DHRSX: variants seen among roughly 807,000 people sequenced by gnomAD.
DHRSX encodes polyprenol dehydrogenase.
Under a neutral mutation model 34.0 loss-of-function variants are expected in DHRSX, and 31 were observed. The observed-to-expected ratio is 0.91, with a 90% confidence interval of 0.69 to 1.23. DHRSX has a LOEUF of 1.23. Among genes scored for constraint, DHRSX ranks in the 50% most tolerant of loss-of-function variants. The pLI is 0.00. For missense variants in DHRSX, 414 were observed against 428.1 expected (o/e 0.97, Z 0.29); for synonymous variants, 201 against 183.8 (o/e 1.09, Z -0.76).
chrX:2,337,207 G>T (rs2042580067), intron 3 of DHRSX, among the ~76,000 whole-genome samples: 2 of 152,102 alleles, frequency 1.3e-5, no homozygotes, highest in South Asian at 4.1e-4. Context: ...GAACTGATTT[G>T]CGAATAGGGT....
intron 3 of DHRSX, among the ~76,000 whole-genome samples, chrX:2,306,464 T>TA (rs1311967789): frequency 1.7e-5 from 1 of 57,678 alleles, no homozygotes; most frequent in Non-Finnish European, 5.6e-5. Context: ...ATCAATTATC[T>TA]TTTTTTTTTT....
intron 3 of DHRSX, chrX:2,336,342 C>G (rs1307663415): frequency 6.6e-6 from 1 of 152,094 alleles, no homozygotes; most frequent in African/African-American, 2.4e-5. Flanking sequence ...CTGTGAAGTT[C>G]CCTGCAGTTT....
intron 3 of DHRSX, among the ~76,000 whole-genome samples, chrX:2,400,777 A>G (rs1396213381): frequency 6.6e-6 from 1 of 152,136 alleles, no homozygotes; most frequent in Non-Finnish European, 1.5e-5. Flanking sequence ...TTGTATTTTC[A>G]ATCTACTCAA....
At chrX:2,361,197 A>C (rs2124587738) in intron 3 of DHRSX, among the ~76,000 whole-genome samples, 1 of 151,682 alleles carries the variant, frequency 6.6e-6, no homozygotes, top group East Asian at 1.9e-4. Flanking sequence ...TGCAACCTCC[A>C]CCTCCCGGGT....
At chrX:2,355,994 A>ACACCTCCT in intron 3 of DHRSX, among the ~76,000 whole-genome samples, 1 of 150,224 alleles carries the variant, frequency 6.7e-6, no homozygotes, top group South Asian at 2.1e-4. Context: ...TGAACCCAGG[A>ACACCTCCT]GGTGGAGTTT....
intron 3 of DHRSX, among the ~76,000 whole-genome samples, chrX:2,332,794 T>A (rs775412882): frequency 6.6e-6 from 1 of 152,216 alleles, no homozygotes; most frequent in East Asian, 1.9e-4. Flanking sequence ...CACACTGAGG[T>A]CTTAAATATC....
intron 1 of DHRSX, among the ~76,000 whole-genome samples, chrX:2,438,394 G>A (rs1281553194): frequency 6.6e-6 from 1 of 151,792 alleles, no homozygotes; most frequent in African/African-American, 2.4e-5. Flanking sequence ...AACCGGCCAC[G>A]TGCAGTGGCT....
At chrX:2,419,934 G>A (rs1238171991) in intron 2 of DHRSX, among the ~76,000 whole-genome samples, 10 of 151,854 alleles carry the variant, frequency 6.6e-5, no homozygotes, top group African/African-American at 1.7e-4. Context: ...AAACCTGCAC[G>A]TTGTGCACAT....
chrX:2,303,899 AAATGGATGGATG>A (rs1569485768), intron 3 of DHRSX, among the ~76,000 whole-genome samples: 5 of 60,378 alleles, frequency 8.3e-5, no homozygotes, highest in African/African-American at 1.9e-4. Context: ...ATGGATGGAT[AAATGGATGGATG>A]GATGGATGGA....
At chrX:2,345,454 C>G (rs1203626396) in intron 3 of DHRSX, among the ~76,000 whole-genome samples, 6 of 151,678 alleles carry the variant, frequency 4.0e-5, no homozygotes, top group African/African-American at 1.5e-4. Context: ...ATCAGCCTGG[C>G]CAACATGGTG....
intron 3 of DHRSX, among the ~76,000 whole-genome samples, chrX:2,298,317 GTTTT>G (rs529844889): frequency 2.4e-5 from 3 of 123,688 alleles, no homozygotes; most frequent in Non-Finnish European, 5.1e-5. Context: ...CAGTTTTGGT[GTTTT>G]TTTTTTTTTT....
chrX:2,385,138 A>ATATG (rs1569495981), intron 3 of DHRSX, among the ~76,000 whole-genome samples: 2 of 125,594 alleles, frequency 1.6e-5, no homozygotes, highest in African/African-American at 3.2e-5. Context: ...GTGTGTGTGT[A>ATATG]TGTGTATATA....
chrX:2,229,708 GGTAC>G (rs1274287495), intron 6 of DHRSX, among the ~76,000 whole-genome samples: 1 of 151,804 alleles, frequency 6.6e-6, no homozygotes, highest in Non-Finnish European at 1.5e-5. Flanking sequence ...CACGTTAATG[GGTAC>G]GTGTGTGTAT....
chrX:2,386,279 CATG>C (rs1191507587), intron 3 of DHRSX, among the ~76,000 whole-genome samples: 1 of 151,880 alleles, frequency 6.6e-6, no homozygotes, highest in Non-Finnish European at 1.5e-5. Context: ...AGTGCAGTGG[CATG>C]ATTTCAGCTC....
intron 3 of DHRSX, among the ~76,000 whole-genome samples, chrX:2,396,820 A>G (rs1359931386): frequency 1.3e-5 from 2 of 148,824 alleles, no homozygotes. Flanking sequence ...GCCGGAGCGC[A>G]ATACCACGAT....
chrX:2,222,645 A>C (rs2015547092), intron 6 of DHRSX, among the ~76,000 whole-genome samples: 2 of 152,178 alleles, frequency 1.3e-5, no homozygotes, highest in South Asian at 4.1e-4. Flanking sequence ...TGGGAGAACA[A>C]GGCAGGAGGA....
chrX:2,500,012 T>G (rs185308637), intron 1 of DHRSX, among the ~76,000 whole-genome samples: 291 of 152,286 alleles, frequency 1.9e-3, no homozygotes, highest in African/African-American at 6.7e-3. Context: ...ACTTCATCTC[T>G]ACTTCCTATT....
At chrX:2,411,505 A>C (rs2124639323) in intron 2 of DHRSX, among the ~76,000 whole-genome samples, 1 of 149,532 alleles carries the variant, frequency 6.7e-6, no homozygotes, top group East Asian at 2.0e-4. Context: ...CCATGAACTG[A>C]GATCACACCA....
chrX:2,262,809 GGCC>G (rs1170965644), intron 5 of DHRSX, among the ~76,000 whole-genome samples: 1 of 140,472 alleles, frequency 7.1e-6, no homozygotes, highest in African/African-American at 2.7e-5. Flanking sequence ...ATCCCATCGA[GGCC>G]GACTCCCTCA....
Sources: allele counts gnomAD v4.1 joint callset (sites outside exome capture counted in the v4.1 genomes callset), GRCh38; gene constraint gnomAD v4.1.1; transcripts MANE v1.5; gene names NCBI Gene and HGNC (gene_info 2026-07-23, HGNC 2026-07-21).